The following ZNF219 variants were observed in gnomAD, a reference collection of about 807,000 sequenced individuals.
The protein encoded by ZNF219 is zinc finger protein 219.
ZNF219 carries 17 observed loss-of-function variants against 54.4 expected under a neutral mutation model. The ratio of observed to expected loss-of-function variants is 0.31; its 90% CI spans 0.21 to 0.47. The LOEUF (loss-of-function observed/expected upper bound fraction) is 0.47. ZNF219 is among the 20% of genes least tolerant of loss of function. The pLI is 1.00. For missense variants in ZNF219, 1,014 were observed against 1,062.3 expected (o/e 0.95, Z 0.63); for synonymous variants, 518 against 476.4 (o/e 1.09, Z -1.14).
At chr14:21,091,641 G>A in intron 3 of ZNF219, 99 bp from the exon 4 acceptor site, 1 of 1,498,308 alleles carries the variant, frequency 6.7e-7, no homozygotes, top group South Asian at 1.4e-5. Flanking sequence ...CTTCCCCTCG[G>A]GGTCCAGGAG....
intron 1 of ZNF219, among the ~76,000 whole-genome samples, chr14:21,094,726 T>TGGG (rs10687101): frequency 0.026 from 151 of 5,884 alleles, 17 homozygotes; most frequent in African/African-American, 0.072. Flanking sequence ...GGATAGGGGT[T>TGGG]GGGGGGGGGG....
In ZNF219 at chr14:21,092,604, CTG is replaced by C; in HGVS notation, c.691_692del (p.Gln231AlafsTer24). On this transcript the variant is annotated frameshift_variant, in exon 3 of 5. Transcript: ENST00000360947. LOFTEE classifies it high-confidence loss of function. ...GTTCGGGCTGGGGTGGAGGCTGAGG[CTG>C]AGGCTGAGGCGGAGGCGCAGCGGAG... ...ATSAAPPPQP[Q>X]PQPPPQPEPR... 1.9e-6 allele frequency: 3 copies of C among 1,548,942 alleles called. No homozygotes were observed. The highest frequency in any genetic ancestry group is 1.4e-5 in the African/African-American group (1 of 73,724).
Position 21,090,165 on chromosome 14 carries a change from C to T in ZNF219, c.*371G>A, listed in dbSNP as rs1227247160. 2 of 507,876 alleles carry T rather than the reference C, an allele frequency of 3.9e-6. No individual in the cohort carries two copies. The highest frequency in any genetic ancestry group is 5.2e-5 in the East Asian group (1 of 19,284). 31.5% of individuals were successfully genotyped at this position (507,876 alleles called of 1,614,324 possible). On this transcript the variant is annotated 3_prime_UTR_variant, in exon 5 of 5. Transcript: ENST00000360947. This position sits in a 1 kb window ranked among gnomAD's most constrained non-coding sequence, Gnocchi z 4.4. ...ACCAAAAATAGCGACGTCTACAGGG[C>T]CCCTGATGGGGCTAGAAGGGTACAG...
upstream of ZNF219, chr14:21,101,109 T>C (rs1889597868): frequency 2.4e-6 from 1 of 411,500 alleles, no homozygotes; most frequent in East Asian, 4.8e-5. Context: ...TGTCGTCTGC[T>C]CTGAGCTATC....
At position 21,093,053 on chromosome 14, in the gene ZNF219, C is replaced by T. The variant is rs1258484850; in HGVS notation, c.244G>A (p.Ala82Thr). Residue 82 changes from alanine (A) to threonine (T), a missense_variant, in exon 3 of 5, where the codon GCC (alanine) becomes ACC (threonine). Around this residue, in one of 5 missense-constraint regions of ZNF219, gnomAD observed 395 missense variants for 415.1 expected, o/e 0.95. Transcript: ENST00000360947. Reference protein sequence around the residue: ...LALHLRAHPGAQAFQCPHCGH... With the variant: ...LALHLRAHPGTQAFQCPHCGH... ...CAGTGAGGGCACTGGAAGGCCTGGG[C>T]TCCTGGGTGCGCCCGCAGGTGCAAA... The T allele has an allele frequency of 1.3e-6, 2 of 1,599,996 alleles. No individual in the cohort carries two copies.
rs768811840 is a variant in ZNF219, at chr14:21,093,228, C to T, written c.69G>A (p.Glu23=). 11 of 1,603,156 alleles carry T rather than the reference C, an allele frequency of 6.9e-6. No homozygotes were observed. In the South Asian group the frequency reaches 1.1e-4, roughly 16 times the overall value. Residue 23 remains glutamate (E), a synonymous_variant, in exon 3 of 5, where the codon GAG becomes GAA. Transcript: ENST00000360947. ...CGTTGGAGTATCGCTGCAGATCCAG[C>T]TCGCCGTCGAAAGCCGGCGGCGACG... ...LAPSPPAFDG[E]LDLQRYSNGP... is the part of the protein sequence containing the mutation.
chr14:21,094,253 G>A, intron 1 of ZNF219: 1 of 408,478 alleles, frequency 2.4e-6, no homozygotes, highest in South Asian at 1.8e-5. Context: ...CCCAGCAGCA[G>A]AGTCTGAAGA....
chr14:21,092,547 C>T lies in ZNF219; in HGVS notation c.750G>A (p.Pro250=). The T allele has an allele frequency of 1.3e-6, 2 of 1,546,224 alleles. No individual in the cohort carries two copies. The highest frequency in any genetic ancestry group is 1.7e-6 in the Non-Finnish European group (2 of 1,145,252). The change falls in exon 3 of 5, where the codon CCG becomes CCA. Residue 250 remains proline (P), a synonymous_variant. Transcript: ENST00000360947. ...TCGGGGTTGCCTCACGTTCGGGCTC[C>T]GGCTCCGGCTCCGGCTGGGGGACTG... ...PRSVPQPEPE[P]EPEREATPTP...
At chr14:21,101,198 C>T (rs1889602944), upstream of ZNF219, 1 of 719,456 alleles carries the variant, frequency 1.4e-6, no homozygotes, top group East Asian at 3.0e-5. Flanking sequence ...GGTGTGAGGA[C>T]CTGGACCTCA....
upstream of ZNF219, chr14:21,101,280 G>T: frequency 6.8e-7 from 1 of 1,462,114 alleles, no homozygotes; most frequent in Non-Finnish European, 9.4e-7. Flanking sequence ...TCTCCTAATA[G>T]ACAGAACCTA....
chr14:21,099,812 C>A (rs1889524857), upstream of ZNF219, among the ~76,000 whole-genome samples: 1 of 152,166 alleles, frequency 6.6e-6, no homozygotes, highest in African/African-American at 2.4e-5. Context: ...TTGCCAAGGG[C>A]ACCTAGGTAG....
chr14:21,102,372 A>T, upstream of ZNF219: 1 of 1,550,398 alleles, frequency 6.4e-7, no homozygotes, highest in African/African-American at 1.4e-5. Context: ...TGACTCCCCT[A>T]GGCTGGGCAG....
At chr14:21,091,301 C>G in intron 4 of ZNF219, 110 bp downstream of exon 4, 2 of 1,519,632 alleles carry the variant, frequency 1.3e-6, no homozygotes, top group Non-Finnish European at 1.8e-6. Flanking sequence ...GTGATCTCAT[C>G]CAGCCAAACT....
chr14:21,092,668 G>T lies in ZNF219; in HGVS notation c.629C>A (p.Thr210Lys). 2 of 1,572,320 alleles carry T rather than the reference G, an allele frequency of 1.3e-6. No homozygotes were observed. The highest frequency in any genetic ancestry group is 1.7e-6 in the Non-Finnish European group (2 of 1,161,246). ...GGGACGCTCGGGAGCCCCGTGGGCCGTCAGGCTGTGGTGCAGCAGCTCCTC... is the reference window on the plus strand; with the variant it reads ...GGGACGCTCGGGAGCCCCGTGGGCCTTCAGGCTGTGGTGCAGCAGCTCCTC... ...QEEELLHHSL[T>K]AHGAPERPLA... is the part of the protein sequence containing the mutation. Residue 210 changes from threonine to lysine, a missense_variant, in exon 3 of 5, where the codon ACG becomes AAG. Transcript: ENST00000360947.
At chr14:21,093,817 G>C (rs748125031) in intron 1 of ZNF219, 143 bp from the exon 2 acceptor site, 4 of 709,086 alleles carry the variant, frequency 5.6e-6, no homozygotes, top group South Asian at 3.5e-5. Context: ...CGAAGGGGCT[G>C]CTATACTCAA....
At chr14:21,103,055 TG>T, upstream of ZNF219, 1 of 1,544,766 alleles carries the variant, frequency 6.5e-7, no homozygotes. Flanking sequence ...GATAGAAAAT[TG>T]GGCAGGAGGA....
chr14:21,100,203 A>C (rs1412128639), upstream of ZNF219, among the ~76,000 whole-genome samples: 1 of 152,082 alleles, frequency 6.6e-6, no homozygotes, highest in East Asian at 1.9e-4. Flanking sequence ...CTGTCTCTAC[A>C]AAAAATTTAA....
chr14:21,090,621 G>C lies in ZNF219; in HGVS notation c.2084C>G (p.Thr695Ser), dbSNP rs745494672. The C allele has an allele frequency of 6.2e-7, 1 of 1,612,364 alleles. No individual in the cohort carries two copies. The highest frequency in any genetic ancestry group is 1.7e-5 in the Admixed American group (1 of 60,022). ...PPYARVPSGE[T>S]PPSPSQEGEE... ...CCCTTCCTGCGAAGGACTGGGAGGG[G>C]TCTCTCCTGATGGTACTCGGGCATA... is the stretch of plus-strand genomic sequence containing the variant. Residue 695 changes from threonine to serine, a missense_variant, in exon 5 of 5, where the codon ACC becomes AGC. Physicochemically the swap from Thr to Ser is moderately conservative, Grantham distance 58. Coordinates refer to ENST00000360947, the MANE Select transcript of ZNF219 (RefSeq NM_016423.3). The surrounding 1 kb of genome is among the most constrained non-coding windows in gnomAD (Gnocchi z 4.4).
rs1291089294 is a variant in ZNF219 at position 21,092,372 on chromosome 14, G to A, written c.925C>T (p.Arg309Cys). The A allele has an allele frequency of 6.3e-7, 1 of 1,577,764 alleles. No individual in the cohort carries two copies. The highest frequency in any genetic ancestry group is 1.8e-5 in the Admixed American group (1 of 54,890). ...SFDHACPVCG[R>C]CFKEPWFLKN... The stretch of plus-strand genomic sequence containing the variant: ...AGGAACCAGGGCTCCTTGAAGCAGC[G>A]GCCGCACACCGGACACGCATGATCG... Residue 309 changes from arginine (R) to cysteine (C), a missense_variant, in exon 3 of 5, where the codon CGC becomes TGC. Physicochemically the swap from Arg to Cys is radical, Grantham distance 180. This residue lies in a region of ZNF219 where 28 missense variants were observed against 59.8 expected (regional missense o/e 0.47). Transcript: ENST00000360947.
Sources: allele counts gnomAD v4.1 joint callset (sites outside exome capture counted in the v4.1 genomes callset), GRCh38; gene constraint gnomAD v4.1.1; regional missense constraint gnomAD v4.1.1; non-coding constraint Gnocchi (gnomAD v3.1); transcripts MANE v1.5; gene names NCBI Gene and HGNC (gene_info 2026-07-23, HGNC 2026-07-21).